The following FRMD4B variants were observed in gnomAD, a reference collection of about 807,000 sequenced individuals.
The protein encoded by FRMD4B is FERM domain-containing protein 4B.
FRMD4B carries 74 observed loss-of-function variants against 141.5 expected under a neutral mutation model. That is an observed-to-expected ratio of 0.52 (90% CI 0.43 to 0.63). The LOEUF is 0.63. Among genes scored for constraint, FRMD4B ranks in the 30% least tolerant of loss-of-function variants. FRMD4B has a pLI of 0.00. For missense variants in FRMD4B, 1,366 were observed against 1,253.4 expected, an observed-to-expected ratio of 1.09 and a Z score of -1.36; for synonymous variants, 506 against 467.9, an observed-to-expected ratio of 1.08 and a Z score of -1.05.
chr3:69,480,426 G>A (rs1215206304), intron 1 of FRMD4B, among the ~76,000 whole-genome samples: 2 of 152,204 alleles, frequency 1.3e-5, no homozygotes, highest in African/African-American at 4.8e-5. Flanking sequence ...CCTTCTAACA[G>A]ACAGGACCCT....
intron 7 of FRMD4B, among the ~76,000 whole-genome samples, chr3:69,229,015 G>GTTTTTTTTT (rs58912710): frequency 8.5e-4 from 103 of 120,980 alleles, no homozygotes; most frequent in Non-Finnish European, 1.1e-3. Context: ...TCAAAATCAT[G>GTTTTTTTTT]TTTTTTTTTT....
chr3:69,270,698 T>G (rs930536782), intron 5 of FRMD4B, among the ~76,000 whole-genome samples: 2 of 151,954 alleles, frequency 1.3e-5, no homozygotes, highest in Non-Finnish European at 2.9e-5. Context: ...CCCGAGTAGC[T>G]GGGACTACAG....
At chr3:69,187,690 G>A (rs1312373125) in intron 19 of FRMD4B, 80 bp downstream of exon 19, 13 of 1,286,258 alleles carry the variant, frequency 1.0e-5, no homozygotes, top group African/African-American at 1.5e-5. Flanking sequence ...ATGTGAAAAT[G>A]TATCAACCAT....
intron 5 of FRMD4B, among the ~76,000 whole-genome samples, chr3:69,286,765 G>A (rs76434476): frequency 0.036 from 5,482 of 152,196 alleles, 127 homozygotes; most frequent in East Asian, 0.11. Flanking sequence ...AGTCTGCAAA[G>A]AGAAAAAACA....
chr3:69,475,312 C>T (rs1268655987), intron 1 of FRMD4B, among the ~76,000 whole-genome samples: 2 of 151,802 alleles, frequency 1.3e-5, no homozygotes, highest in Non-Finnish European at 2.9e-5. Flanking sequence ...CCCATTAACT[C>T]GTCATTTAGC....
At chr3:69,390,925 C>G (rs1184587279), upstream of FRMD4B, among the ~76,000 whole-genome samples, 1 of 152,070 alleles carries the variant, frequency 6.6e-6, no homozygotes, top group Non-Finnish European at 1.5e-5. Context: ...AAAATAAATG[C>G]TACACCCTGT....
intron 11 of FRMD4B, among the ~76,000 whole-genome samples, chr3:69,214,538 G>A (rs1022895266): frequency 6.6e-6 from 1 of 152,112 alleles, no homozygotes; most frequent in Non-Finnish European, 1.5e-5. Flanking sequence ...GGGCAAAAAC[G>A]TGTTGTACAC....
intron 2 of FRMD4B, among the ~76,000 whole-genome samples, chr3:69,425,451 G>A (rs561612143): frequency 6.6e-6 from 1 of 152,156 alleles, no homozygotes; most frequent in Admixed American, 6.5e-5. Flanking sequence ...ACACCCTACT[G>A]CCCATGGGGG....
intron 1 of FRMD4B, among the ~76,000 whole-genome samples, chr3:69,501,058 C>T (rs1208509025): frequency 6.6e-6 from 1 of 152,012 alleles, no homozygotes; most frequent in Non-Finnish European, 1.5e-5. Flanking sequence ...GTGATATATC[C>T]TATCAGTAAA....
chr3:69,414,043 C>T (rs990058615), intron 2 of FRMD4B, among the ~76,000 whole-genome samples: 2 of 152,072 alleles, frequency 1.3e-5, no homozygotes, highest in Non-Finnish European at 2.9e-5. Context: ...GGAGAAAAGA[C>T]GTGCATATGG....
At chr3:69,350,741 G>A (rs1022738153) in intron 1 of FRMD4B, among the ~76,000 whole-genome samples, 1 of 148,940 alleles carries the variant, frequency 6.7e-6, no homozygotes, top group Admixed American at 6.8e-5. Flanking sequence ...ACCAAACACT[G>A]CATGTTCTCA....
intron 1 of FRMD4B, among the ~76,000 whole-genome samples, chr3:69,503,135 C>T (rs1000763772): frequency 2.6e-5 from 4 of 152,170 alleles, no homozygotes; most frequent in African/African-American, 9.7e-5. Context: ...GGCGATTCCT[C>T]AAGGATCTAG....
chr3:69,493,032 AG>A (rs1706327389), intron 1 of FRMD4B, among the ~76,000 whole-genome samples: 2 of 152,230 alleles, frequency 1.3e-5, no homozygotes, highest in Admixed American at 6.5e-5. Context: ...TCATTATCAA[AG>A]CAAGAGCTGT....
intron 5 of FRMD4B, among the ~76,000 whole-genome samples, chr3:69,260,395 G>A (rs972624148): frequency 2.0e-5 from 3 of 152,218 alleles, no homozygotes; most frequent in African/African-American, 7.2e-5. Context: ...GCCAGCCCTG[G>A]GCAGTGAGGG....
chr3:69,519,964 TA>T (rs1700824840), intron 1 of FRMD4B, among the ~76,000 whole-genome samples: 1 of 145,572 alleles, frequency 6.9e-6, no homozygotes, highest in East Asian at 2.0e-4. Flanking sequence ...AGAATGCCAT[TA>T]ATTCATTCCT....
At chr3:69,311,498 T>C (rs1378090600) in intron 2 of FRMD4B, 141 bp from the exon 3 acceptor site, 2 of 588,496 alleles carry the variant, frequency 3.4e-6, no homozygotes, top group Non-Finnish European at 6.2e-6. Context: ...GTGGATTAGG[T>C]TGATGTACTA....
chr3:69,318,295 A>C (rs747006190), intron 1 of FRMD4B, among the ~76,000 whole-genome samples: 1 of 152,176 alleles, frequency 6.6e-6, no homozygotes, highest in Non-Finnish European at 1.5e-5. Flanking sequence ...TCTTGCAACT[A>C]AAAGCATCTT....
At chr3:69,392,849 T>C (rs1704408797) in intron 2 of FRMD4B, among the ~76,000 whole-genome samples, 1 of 152,088 alleles carries the variant, frequency 6.6e-6, no homozygotes, top group African/African-American at 2.4e-5. Context: ...GCGACACAAG[T>C]TCTGTTTCAA....
intron 5 of FRMD4B, among the ~76,000 whole-genome samples, chr3:69,270,434 ATAGG>A (rs1220793897): frequency 6.6e-6 from 1 of 152,224 alleles, no homozygotes; most frequent in Non-Finnish European, 1.5e-5. Flanking sequence ...GTACAGGTAA[ATAGG>A]TAGAAAGATG....
Sources: allele counts gnomAD v4.1 joint callset (sites outside exome capture counted in the v4.1 genomes callset), GRCh38; gene constraint gnomAD v4.1.1; transcripts MANE v1.5; gene names NCBI Gene and HGNC (gene_info 2026-07-23, HGNC 2026-07-21).